Variants in KLK1 observed in about 807,000 individuals in gnomAD.
KLK1 encodes the protein kallikrein-1.
KLK1 carries 22 observed loss-of-function variants against 23.3 expected under a neutral mutation model. The observed-to-expected ratio is 0.95, with a 90% confidence interval of 0.68 to 1.35. The LOEUF (loss-of-function observed/expected upper bound fraction) is 1.35. KLK1 is among the 40% of genes most tolerant of loss of function. The pLI, the probability that KLK1 is intolerant of heterozygous loss-of-function variation, is 0.00. For missense variants in KLK1, 301 were observed against 338.9 expected (o/e 0.89, Z 0.88); for synonymous variants, 140 against 135.8 (o/e 1.03, Z -0.21).
At position 50,819,279 on chromosome 19, in the gene KLK1, C is replaced by T. The variant is rs768115057; in HGVS notation, c.704G>A (p.Cys235Tyr). 8 of 1,614,174 alleles carry T rather than the reference C, an allele frequency of 5.0e-6. No individual in the cohort carries two copies. The East Asian group carries it at 1.3e-4, about 27-fold the overall frequency. Residue 235 changes from cysteine to tyrosine, a missense_variant, in exon 5 of 5, where the codon TGT becomes TAT. Physicochemically the swap from Cys to Tyr is radical, Grantham distance 194. Transcript: ENST00000301420. Reference protein sequence around the residue: ...QGVTSWGYVPCGTPNKPSVAV... With the variant: ...QGVTSWGYVPYGTPNKPSVAV... ...GACAGAAGGCTTATTGGGGGTGCCACAAGGGACGTAGCCCCATGATGTGAC... is the reference window on the plus strand; with the variant it reads ...GACAGAAGGCTTATTGGGGGTGCCATAAGGGACGTAGCCCCATGATGTGAC...
chr19:50,823,153 G>T (rs967167642), intron 1 of KLK1, among the ~76,000 whole-genome samples: 3 of 152,138 alleles, frequency 2.0e-5, no homozygotes, highest in Non-Finnish European at 4.4e-5. Context: ...GGGTTTTCTG[G>T]TGAAATTTGG....
At position 50,819,279 on chromosome 19, in the gene KLK1, C is replaced by A; in HGVS notation, c.704G>T (p.Cys235Phe). ...QGVTSWGYVP[C>F]GTPNKPSVAV... ...GACAGAAGGCTTATTGGGGGTGCCA[C>A]AAGGGACGTAGCCCCATGATGTGAC... The change falls in exon 5 of 5, where the codon TGT (cysteine) becomes TTT (phenylalanine). Residue 235 changes from cysteine to phenylalanine, a missense_variant. Coordinates refer to ENST00000301420, the MANE Select transcript of KLK1 (RefSeq NM_002257.4). The A allele has an allele frequency of 6.2e-7, 1 of 1,614,174 alleles. No individual in the cohort carries two copies. The highest frequency in any genetic ancestry group is 8.5e-7 in the Non-Finnish European group (1 of 1,180,004).
chr19:50,819,451 CA>C, intron 4 of KLK1, 102 bp from the exon 5 acceptor site: 1 of 1,200,528 alleles, frequency 8.3e-7, no homozygotes, highest in Non-Finnish European at 1.2e-6. Flanking sequence ...TGCCCACTCC[CA>C]GAGGAAGGTG....
intron 1 of KLK1, 44 bp downstream of exon 1, chr19:50,823,659 G>A: frequency 7.4e-7 from 1 of 1,357,906 alleles, no homozygotes; most frequent in Non-Finnish European, 1.0e-6. Flanking sequence ...GCCAGCAAGA[G>A]AATCAGGGCC....
At chr19:50,823,571 C>T (rs370282592) in intron 1 of KLK1, 132 bp downstream of exon 1, 19 of 546,064 alleles carry the variant, frequency 3.5e-5, no homozygotes, top group East Asian at 2.7e-4. Flanking sequence ...CGGGGCACCC[C>T]GGACTAGGAT....
intron 1 of KLK1, chr19:50,822,904 G>A: frequency 1.0e-6 from 1 of 985,350 alleles, no homozygotes. Flanking sequence ...AGAAGCGCTG[G>A]CTGAGAAGGC....
In KLK1 at chr19:50,819,287, G is replaced by A. The variant is rs143002965; in HGVS notation, c.696C>T (p.Tyr232=). The A allele has an allele frequency of 1.2e-4, 195 of 1,614,108 alleles. No homozygotes were observed. In the African/African-American group the frequency reaches 2.3e-3, roughly 19 times the overall value. Residue 232 remains tyrosine (Y), a synonymous_variant, in exon 5 of 5, where the codon TAC becomes TAT. Coordinates refer to ENST00000301420, the MANE Select transcript of KLK1 (RefSeq NM_002257.4). ...GCTTATTGGGGGTGCCACAAGGGAC[G>A]TAGCCCCATGATGTGACACCTTGGA... ...GVLQGVTSWG[Y]VPCGTPNKPS...
chr19:50,820,511 T>TTG, intron 2 of KLK1, 68 bp from the exon 3 acceptor site: 23 of 135,844 alleles, frequency 1.7e-4, no homozygotes, highest in East Asian at 4.6e-4. Context: ...CAGGGGAGCA[T>TTG]GGGGGAGGGT....
chr19:50,820,092 T>C, intron 3 of KLK1, 57 bp from the exon 4 acceptor site: 1 of 1,609,796 alleles, frequency 6.2e-7, no homozygotes, highest in Non-Finnish European at 8.5e-7. Context: ...CCCTGGCCCT[T>C]TCTCCCTTGG....
At chr19:50,819,875 A>G (rs751048999) in intron 4 of KLK1, 24 bp downstream of exon 4, 45 of 1,611,816 alleles carry the variant, frequency 2.8e-5, no homozygotes, top group Non-Finnish European at 3.8e-5. Context: ...GCCCTTCCAG[A>G]CCCTGGGGGC....
At chr19:50,822,193 T>G (rs1364836002) in intron 1 of KLK1, 5 of 1,009,956 alleles carry the variant, frequency 5.0e-6, no homozygotes, top group Admixed American at 5.4e-5. Flanking sequence ...GGTCTGGGGC[T>G]GGGGGATGGG....
intron 1 of KLK1, chr19:50,822,393 A>G: frequency 1.0e-6 from 1 of 986,564 alleles, no homozygotes. Flanking sequence ...CAGGTCTGAG[A>G]GGTAAAGAAG....
In KLK1 at chr19:50,820,156, T is replaced by C. The variant is rs1305782141; in HGVS notation, c.494A>G (p.Asn165Ser). 6.3e-7 allele frequency: 1 copy of C among 1,599,606 alleles called. No individual in the cohort carries two copies. The highest frequency in any genetic ancestry group is 2.2e-5 in the East Asian group (1 of 44,640). Residue 165 changes from asparagine (N) to serine (S), a missense_variant and splice_region_variant, in exon 3 of 5, where the codon AAT (asparagine) becomes AGT (serine). Coordinates refer to ENST00000301420, the MANE Select transcript of KLK1 (RefSeq NM_002257.4). ...CTACACAGTCTGCCCCCACATACAA[T>C]TCTCTGGTTCGATGCTGCCCCAGCC... ...ASGWGSIEPE[N>S]FSFPDDLQCV...
chr19:50,819,200 G>A lies in KLK1; in HGVS notation c.783C>T (p.Asn261=), dbSNP rs763261042. Residue 261 remains asparagine (N), a synonymous_variant, in exon 5 of 5, where the codon AAC becomes AAT. Coordinates refer to ENST00000301420, the MANE Select transcript of KLK1 (RefSeq NM_002257.4). Reference sequence around the variant, plus strand: ...AGGGGACAGGGCTGGGCGTTCAGGAGTTCTCCGCTATGGTGTCCTCGATCC... The same window carrying A: ...AGGGGACAGGGCTGGGCGTTCAGGAATTCTCCGCTATGGTGTCCTCGATCC... ...VKWIEDTIAE[N]S is the part of the protein sequence containing the mutation. 10 of 1,612,082 alleles carry A rather than the reference G, an allele frequency of 6.2e-6. No homozygotes were observed. In the African/African-American group the frequency reaches 1.3e-4, roughly 22 times the overall value.
In KLK1 at chr19:50,820,191, A is replaced by G. The variant is rs771057648; in HGVS notation, c.459T>C (p.Cys153=). 1 of 1,608,638 alleles carries G rather than the reference A, an allele frequency of 6.2e-7. No homozygotes were observed. Among genetic ancestry groups the G allele is most frequent in the South Asian group, 1.1e-5 (1 of 90,770 alleles). ...CGATGCTGCCCCAGCCGGAAGCCAA[A>G]CAGGTGCTCCCCACTTCGGGTTCCT... The part of the protein sequence containing the change: ...PTEEPEVGST[C]LASGWGSIEP... Residue 153 remains cysteine (C), a synonymous_variant, in exon 3 of 5, where the codon TGT becomes TGC. Coordinates refer to ENST00000301420, the MANE Select transcript of KLK1 (RefSeq NM_002257.4).
intron 4 of KLK1, 79 bp downstream of exon 4, chr19:50,819,820 G>A: frequency 7.0e-7 from 1 of 1,423,608 alleles, no homozygotes. Context: ...GCAGATGCCT[G>A]GTTAGCTCTC....
At position 50,821,701 on chromosome 19, in the gene KLK1, C is replaced by G. The variant is rs142242977; in HGVS notation, c.206+11G>C. 929 of 1,597,140 alleles carry G rather than the reference C, an allele frequency of 5.8e-4. 5 individuals are homozygous for G. In the African/African-American group the frequency reaches 0.011, roughly 19 times the overall value. Reference sequence around the variant, plus strand: ...AGATGCCCTCCTCCCAGACCCCAGGCCCCTACTCACTCGCTGATGCAATGA... The same window carrying G: ...AGATGCCCTCCTCCCAGACCCCAGGGCCCTACTCACTCGCTGATGCAATGA... On this transcript the variant is annotated intron_variant, in intron 2 of 4. Coordinates refer to ENST00000301420, the MANE Select transcript of KLK1 (RefSeq NM_002257.4). This position sits in a 1 kb window ranked among gnomAD's most constrained non-coding sequence, Gnocchi z 5.6.
Position 50,820,258 on chromosome 19 carries a change from T to A in KLK1, c.392A>T (p.Asp131Val). The change falls in exon 3 of 5, where the codon GAT becomes GTT. Residue 131 changes from aspartate to valine, a missense_variant. By Grantham distance (152) the Asp-to-Val change is radical. Transcript: ENST00000301420. ...LMLLRLTEPA[D>V]TITDAVKVVE... ...GACCTTCACAGCATCTGTGATGGTATCAGCAGGCTCTGTCAGGCGGAGCAG... is the reference window on the plus strand; with the variant it reads ...GACCTTCACAGCATCTGTGATGGTAACAGCAGGCTCTGTCAGGCGGAGCAG... 1.2e-6 allele frequency: 2 copies of A among 1,614,074 alleles called. No individual in the cohort carries two copies. The highest frequency in any genetic ancestry group is 2.2e-5 in the South Asian group (2 of 91,074).
In KLK1 at chr19:50,823,706, T is replaced by C; in HGVS notation, c.43A>G (p.Thr15Ala). 1 of 1,592,166 alleles carries C rather than the reference T, an allele frequency of 6.3e-7. No individual in the cohort carries two copies. The highest frequency in any genetic ancestry group is 1.1e-5 in the South Asian group (1 of 89,622). The change falls in exon 1 of 5, where the codon ACT becomes GCT. Residue 15 changes from threonine to alanine, a missense_variant. By Grantham distance (58) the Thr-to-Ala change is moderately conservative (BLOSUM62 0). Coordinates refer to ENST00000301420, the MANE Select transcript of KLK1 (RefSeq NM_002257.4). ...CCACATCCCCCCACTGTCTCACCAGTCCCCCCCAGGGACAGGGCGAGGCAC... is the reference window on the plus strand; with the variant it reads ...CCACATCCCCCCACTGTCTCACCAGCCCCCCCCAGGGACAGGGCGAGGCAC... ...VLCLALSLGG[T>A]GAAPPIQSRI...
Sources: gnomAD v4.1 joint callset for allele counts (sites outside exome capture counted in the v4.1 genomes callset) on GRCh38, gnomAD v4.1.1 for gene constraint, Gnocchi (gnomAD v3.1) non-coding constraint, MANE v1.5 for transcripts, NCBI Gene and HGNC (gene_info 2026-07-23, HGNC 2026-07-21) for gene names.